XDH: variants seen among roughly 807,000 people sequenced by gnomAD.
The protein encoded by XDH is xanthine dehydrogenase/oxidase.
A neutral mutation model predicts 156.1 loss-of-function variants in XDH; 138 were observed. That is an observed-to-expected ratio of 0.88 (90% confidence interval 0.77 to 1.02). The LOEUF (loss-of-function observed/expected upper bound fraction) is 1.02, where lower values mean the gene tolerates loss of function less well. XDH is among the 50% of genes least tolerant of loss of function. XDH has a pLI of 0.00. For synonymous variants in XDH, 669 were observed against 625.7 expected (o/e 1.07, Z -1.03); for missense variants, 1,849 against 1,684.9 (o/e 1.10, Z -1.71).
At chr2:31,401,473 C>T (rs746422428) in intron 3 of XDH, 145 bp from the exon 4 acceptor site, 31 of 877,744 alleles carry the variant, frequency 3.5e-5, no homozygotes, top group Non-Finnish European at 5.2e-5. Context: ...TACCAGTGTC[C>T]TCACCTCTCC....
At chr2:31,347,862 C>T (rs555745277) in intron 28 of XDH, among the ~76,000 whole-genome samples, 1 of 152,344 alleles carries the variant, frequency 6.6e-6, no homozygotes, top group South Asian at 2.1e-4. Flanking sequence ...AACTGACAAA[C>T]AGTGCCTTTT....
chr2:31,368,180 A>C (rs1181313764), intron 19 of XDH, 123 bp from the exon 20 acceptor site: 1 of 883,198 alleles, frequency 1.1e-6, no homozygotes, highest in African/African-American at 1.7e-5. Context: ...GAATCTCTAT[A>C]TGCTTCACAT....
At chr2:31,383,261 A>C (rs1005924361) in intron 10 of XDH, 109 bp from the exon 11 acceptor site, 1 of 1,539,744 alleles carries the variant, frequency 6.5e-7, no homozygotes, top group Non-Finnish European at 8.9e-7. Flanking sequence ...CTGAATCAGG[A>C]CTCACAGCTT....
intron 15 of XDH, 118 bp from the exon 16 acceptor site, chr2:31,374,074 C>T (rs994950229): frequency 3.3e-5 from 34 of 1,044,710 alleles, no homozygotes; most frequent in South Asian, 6.9e-5. Context: ...TCACTTCATA[C>T]GCCTTTGAGT....
intron 18 of XDH, among the ~76,000 whole-genome samples, chr2:31,369,646 C>T (rs982895566): frequency 2.6e-5 from 4 of 152,202 alleles, no homozygotes; most frequent in Admixed American, 6.5e-5. Flanking sequence ...AGCCATAATG[C>T]TAGCACTGCT....
chr2:31,361,983 G>C (rs576429996), intron 24 of XDH, among the ~76,000 whole-genome samples: 4 of 152,172 alleles, frequency 2.6e-5, no homozygotes, highest in African/African-American at 7.2e-5. Flanking sequence ...GCTAGATATA[G>C]AAATTCTACT....
chr2:31,378,084 A>G (rs999915387), intron 13 of XDH, among the ~76,000 whole-genome samples: 3 of 43,120 alleles, frequency 7.0e-5, no homozygotes, highest in Non-Finnish European at 8.6e-5. Context: ...GAAAGAAAGA[A>G]AGAAAGAAAG....
intron 11 of XDH, 24 bp downstream of exon 11, chr2:31,382,977 C>G (rs763018016): frequency 1.2e-6 from 2 of 1,614,032 alleles, no homozygotes; most frequent in East Asian, 4.5e-5. Context: ...CTACGGGCCT[C>G]GCTTGCTTCT....
intron 15 of XDH, 106 bp from the exon 16 acceptor site, chr2:31,374,062 C>G (rs532568260): frequency 8.6e-7 from 1 of 1,160,364 alleles, no homozygotes; most frequent in East Asian, 2.7e-5. Context: ...CCCCTTGTCT[C>G]TTCACTTCAT....
chr2:31,336,655 C>G (rs893292692), intron 35 of XDH, among the ~76,000 whole-genome samples: 1 of 150,640 alleles, frequency 6.6e-6, no homozygotes, highest in Admixed American at 6.6e-5. Flanking sequence ...CTTGGTAGAC[C>G]CAAGGAAGAC....
At chr2:31,373,826 T>C (rs567850401) in intron 16 of XDH, 47 bp downstream of exon 16, 78 of 1,600,428 alleles carry the variant, frequency 4.9e-5, no homozygotes, top group Non-Finnish European at 2.7e-5. Context: ...CCAACTCATG[T>C]GGCCTGCAAA....
intron 2 of XDH, among the ~76,000 whole-genome samples, chr2:31,404,476 G>A (rs1362371948): frequency 6.6e-6 from 1 of 152,166 alleles, no homozygotes; most frequent in East Asian, 1.9e-4. Flanking sequence ...TAAGCTGCAA[G>A]GTCATCCTAC....
intron 3 of XDH, 36 bp from the exon 4 acceptor site, chr2:31,401,364 C>T (rs1426661586): frequency 2.5e-6 from 4 of 1,607,644 alleles, no homozygotes; most frequent in Admixed American, 3.4e-5. Context: ...CATTTATTGT[C>T]CACTCAGATC....
intron 1 of XDH, among the ~76,000 whole-genome samples, chr2:31,411,706 T>C (rs1687347658): frequency 6.6e-6 from 1 of 152,256 alleles, no homozygotes; most frequent in Non-Finnish European, 1.5e-5. Context: ...CTGTATACCA[T>C]GCACTGTGCT....
At chr2:31,396,855 G>A (rs952199500) in intron 6 of XDH, among the ~76,000 whole-genome samples, 1 of 152,112 alleles carries the variant, frequency 6.6e-6, no homozygotes, top group Non-Finnish European at 1.5e-5. Flanking sequence ...CTGTCTCCTT[G>A]TTTACCCACC....
chr2:31,349,835 C>A lies in XDH; in HGVS notation c.2824-4G>T, dbSNP rs1411442606. ...TGTACAGGTTTTTTCTCCGCACCTT[C>A]CCAAGGAGAGAGACACAGAGGCCTT... On this transcript the variant is annotated splice_polypyrimidine_tract_variant and splice_region_variant and intron_variant, in intron 25 of 35. Coordinates refer to ENST00000379416, the MANE Select transcript of XDH (RefSeq NM_000379.4). 6.2e-7 allele frequency: 1 copy of A among 1,613,818 alleles called. No homozygotes were observed. Among genetic ancestry groups the A allele is most frequent in the East Asian group, 2.2e-5 (1 of 44,886 alleles).
intron 8 of XDH, among the ~76,000 whole-genome samples, chr2:31,387,031 GGAAGGAAGGAA>G (rs1459415925): frequency 8.6e-6 from 1 of 116,798 alleles, no homozygotes; most frequent in African/African-American, 3.4e-5. Context: ...AAGGAAGGAA[GGAAGGAAGGAA>G]GGAGTTTGTT....
At chr2:31,390,246 T>C (rs994631830) in intron 6 of XDH, among the ~76,000 whole-genome samples, 9 of 152,252 alleles carry the variant, frequency 5.9e-5, no homozygotes, top group Non-Finnish European at 1.2e-4. Context: ...TTTCTAGAAT[T>C]TCATAGAATA....
chr2:31,349,986 A>C, intron 25 of XDH, 46 bp downstream of exon 25: 2 of 1,612,624 alleles, frequency 1.2e-6, no homozygotes, highest in Non-Finnish European at 8.5e-7. Flanking sequence ...TGTCCCCCGA[A>C]GTAGTCTAAA....
Sources: allele counts gnomAD v4.1 joint callset (sites outside exome capture counted in the v4.1 genomes callset), GRCh38; gene constraint gnomAD v4.1.1; transcripts MANE v1.5; gene names NCBI Gene and HGNC (gene_info 2026-07-23, HGNC 2026-07-21).